ARPC4: variants seen among roughly 807,000 people sequenced by gnomAD.
ARPC4 encodes the protein actin related protein 2/3 complex subunit 4, also known as actin-related protein 2/3 complex subunit 4.
In ARPC4, 3 loss-of-function variants were observed where a neutral mutation model predicts 22.8. The observed-to-expected ratio is 0.13, with a 90% confidence interval of 0.06 to 0.34. ARPC4 has a LOEUF of 0.34. Ranked by LOEUF, ARPC4 falls within the 10% of genes least tolerant of loss-of-function variation. The pLI, the probability that ARPC4 is intolerant of heterozygous loss-of-function variation, is 1.00. For missense variants in ARPC4, 98 were observed against 211.0 expected (o/e 0.46, Z 3.32); for synonymous variants, 80 against 72.5 (o/e 1.10, Z -0.52).
chr3:9,801,821 T>G, intron 4 of ARPC4, 65 bp downstream of exon 4: 1 of 1,468,926 alleles, frequency 6.8e-7, no homozygotes. Context: ...CCTGGGATTG[T>G]TTCTAGAACC....
chr3:9,794,063 A>AT (rs918565815), intron 1 of ARPC4, among the ~76,000 whole-genome samples: 45 of 148,826 alleles, frequency 3.0e-4, no homozygotes, highest in South Asian at 6.4e-4. Context: ...AAAAATCTGT[A>AT]TTTTTTTTTT....
At chr3:9,797,095 T>C (rs1161365252) in intron 1 of ARPC4, among the ~76,000 whole-genome samples, 1 of 152,222 alleles carries the variant, frequency 6.6e-6, no homozygotes, top group Non-Finnish European at 1.5e-5. Flanking sequence ...TCTGTATATT[T>C]GCTATCCAGT....
chr3:9,793,085 T>G lies in ARPC4; in HGVS notation c.-37T>G. On this transcript the variant is annotated 5_prime_UTR_variant, in exon 1 of 6. Transcript: ENST00000397261. ...GGCAGGCATCGCGGGGCTGGCCACT[T>G]CCGTACTTCCGCTTTCCGGCCCAGC... The G allele has an allele frequency of 6.5e-7, 1 of 1,546,014 alleles. No homozygotes were observed. Among genetic ancestry groups the G allele is most frequent in the Non-Finnish European group, 8.7e-7 (1 of 1,145,702 alleles).
At position 9,806,212 on chromosome 3, in the gene ARPC4, T is replaced by A; in HGVS notation, c.504T>A (p.Phe168Leu). The A allele has an allele frequency of 6.2e-7, 1 of 1,613,934 alleles. No individual in the cohort carries two copies. The highest frequency in any genetic ancestry group is 8.5e-7 in the Non-Finnish European group (1 of 1,179,804). ...CTGCCTCTTGGTTCTCTTGACAGTT[T>A]TAAACCATCTGGCTGGATCTCGTGG... ...RIVAEEFLKN[F>L] Residue 168 changes from phenylalanine (F) to leucine (L), a missense_variant and splice_region_variant, in exon 6 of 6, where the codon TTT (phenylalanine) becomes TTA (leucine). Coordinates refer to ENST00000397261, the MANE Select transcript of ARPC4 (RefSeq NM_005718.5).
intron 3 of ARPC4, among the ~76,000 whole-genome samples, chr3:9,800,905 C>T (rs1343759816): frequency 6.6e-6 from 1 of 152,076 alleles, no homozygotes; most frequent in Non-Finnish European, 1.5e-5. Flanking sequence ...CAATAATCTT[C>T]CTTTAGAAAT....
intron 2 of ARPC4, 139 bp downstream of exon 2, chr3:9,797,916 G>A: frequency 3.3e-6 from 3 of 898,210 alleles, no homozygotes; most frequent in Non-Finnish European, 4.9e-6. Flanking sequence ...CAGCTGAATG[G>A]TGATTCCCAA....
chr3:9,796,593 T>G (rs2078893051), intron 1 of ARPC4, among the ~76,000 whole-genome samples: 1 of 152,016 alleles, frequency 6.6e-6, no homozygotes, highest in Admixed American at 6.6e-5. Flanking sequence ...GGGAAAGAAT[T>G]TGGCTGATAC....
chr3:9,792,658 C>G, upstream of ARPC4: 1 of 1,232,310 alleles, frequency 8.1e-7, no homozygotes, highest in Non-Finnish European at 1.0e-6. Flanking sequence ...GCTTGGCGGC[C>G]GAGATCTCCG....
chr3:9,797,864 G>T (rs188343158), intron 2 of ARPC4, 87 bp downstream of exon 2: 94 of 1,331,010 alleles, frequency 7.1e-5, no homozygotes, highest in Admixed American at 5.1e-4. Context: ...CTTATGTCCT[G>T]CAGTAGTCAG....
chr3:9,805,684 C>T (rs1350258922), intron 5 of ARPC4, among the ~76,000 whole-genome samples: 1 of 152,226 alleles, frequency 6.6e-6, no homozygotes, highest in African/African-American at 2.4e-5. Flanking sequence ...CAGGCATGGG[C>T]CATTGGTTCA....
At chr3:9,794,863 T>G (rs1461639487) in intron 1 of ARPC4, among the ~76,000 whole-genome samples, 3 of 152,188 alleles carry the variant, frequency 2.0e-5, no homozygotes, top group East Asian at 1.9e-4. Flanking sequence ...ATGGAATTCT[T>G]TAGTATGCAG....
chr3:9,796,747 C>T (rs562461569), intron 1 of ARPC4, among the ~76,000 whole-genome samples: 55 of 152,244 alleles, frequency 3.6e-4, no homozygotes, highest in South Asian at 1.2e-3. Flanking sequence ...TGAGACCATC[C>T]TGGCTAACAC....
At chr3:9,804,139 C>G (rs1300254142) in intron 5 of ARPC4, 126 bp downstream of exon 5, 21 of 1,077,532 alleles carry the variant, frequency 1.9e-5, no homozygotes, top group Non-Finnish European at 2.5e-5. Context: ...TCTAGGACCC[C>G]TGGGGCACAG....
Position 9,801,759 on chromosome 3 carries a change from G to A in ARPC4, c.330+3G>A, listed in dbSNP as rs1183172292. 6.3e-6 allele frequency: 10 copies of A among 1,594,314 alleles called. No homozygotes were observed. The highest frequency in any genetic ancestry group is 1.3e-5 in the African/African-American group (1 of 74,572). ...TCCTTCGAAGGAAGCCTGTGGAGGT[G>A]AGACCCTGTGACCCATGAGTTTGCG... On this transcript the variant is annotated splice_donor_region_variant and intron_variant, in intron 4 of 5. Transcript: ENST00000397261.
Position 9,801,724 on chromosome 3 carries a change from A to G in ARPC4, c.298A>G (p.Asn100Asp). 1 of 1,608,074 alleles carries G rather than the reference A, an allele frequency of 6.2e-7. No homozygotes were observed. Among genetic ancestry groups the G allele is most frequent in the Non-Finnish European group, 8.5e-7 (1 of 1,176,566 alleles). Residue 100 changes from asparagine (N) to aspartate (D), a missense_variant, in exon 4 of 6, where the codon AAC (asparagine) becomes GAC (aspartate). Transcript: ENST00000397261. ...FMRFMMMRAE[N>D]FFILRRKPVE... Reference sequence around the variant, plus strand: ...GCGCTTCATGATGATGCGAGCAGAGAACTTCTTTATCCTTCGAAGGAAGCC... The same window carrying G: ...GCGCTTCATGATGATGCGAGCAGAGGACTTCTTTATCCTTCGAAGGAAGCC...
At chr3:9,805,024 CAT>C (rs1390747191) in intron 5 of ARPC4, among the ~76,000 whole-genome samples, 1 of 152,148 alleles carries the variant, frequency 6.6e-6, no homozygotes, top group African/African-American at 2.4e-5. Flanking sequence ...TAAATGAGAC[CAT>C]GTGTGTAAAA....
intron 1 of ARPC4, among the ~76,000 whole-genome samples, chr3:9,793,341 T>C (rs986126422): frequency 6.6e-6 from 1 of 152,176 alleles, no homozygotes; most frequent in African/African-American, 2.4e-5. Context: ...CCTTGTGGCT[T>C]CACGGTCAGC....
upstream of ARPC4, chr3:9,792,909 C>G (rs1264598427): frequency 1.9e-5 from 27 of 1,398,812 alleles, no homozygotes; most frequent in South Asian, 4.7e-5. Flanking sequence ...AATAGTGACT[C>G]GAGTGCAAGA....
At chr3:9,802,523 C>A (rs1575332526) in intron 4 of ARPC4, among the ~76,000 whole-genome samples, 1 of 150,536 alleles carries the variant, frequency 6.6e-6, no homozygotes, top group South Asian at 2.1e-4. Context: ...CTACAGGCGC[C>A]CACCACCACA....
Sources: gnomAD v4.1 joint callset for allele counts (sites outside exome capture counted in the v4.1 genomes callset) on GRCh38, gnomAD v4.1.1 for gene constraint, MANE v1.5 for transcripts, NCBI Gene and HGNC (gene_info 2026-07-23, HGNC 2026-07-21) for gene names.